PCDHGA7: variants seen among roughly 807,000 people sequenced by gnomAD.
PCDHGA7 encodes the protein protocadherin gamma-A7.
Under a neutral mutation model 58.3 loss-of-function variants are expected in PCDHGA7, and 44 were observed. The ratio of observed to expected loss-of-function variants is 0.75; its 90% CI spans 0.59 to 0.97. The LOEUF is 0.97. Ranked by LOEUF, PCDHGA7 falls within the 50% of genes least tolerant of loss-of-function variation. PCDHGA7 has a pLI of 0.00. For missense variants in PCDHGA7, 1,266 were observed against 1,188.7 expected (o/e 1.06, Z -0.96); for synonymous variants, 516 against 504.2 (o/e 1.02, Z -0.31).
At chr5:141,420,327 A>G in intron 1 of PCDHGA7, 1 of 1,425,478 alleles carries the variant, frequency 7.0e-7, no homozygotes, top group South Asian at 1.5e-5. Context: ...ATGCCAATAT[A>G]TTCCAATATA....
At chr5:141,483,919 G>T (rs912152955) in intron 1 of PCDHGA7, among the ~76,000 whole-genome samples, 2 of 151,008 alleles carry the variant, frequency 1.3e-5, no homozygotes, top group South Asian at 2.1e-4. Flanking sequence ...CACTCAGATT[G>T]CAGGTCGTAG....
chr5:141,432,627 C>T lies in PCDHGA7; in HGVS notation c.2424+47304C>T. ...GGACTCTTCTCGGTGGGTCTGCACA[C>T]GGGCGAGGTGCGCACGGCGCGAGCC... On this transcript the variant is annotated intron_variant, in intron 1 of 3. Coordinates refer to ENST00000518325, the MANE Select transcript of PCDHGA7 (RefSeq NM_018920.4). This position sits in a 1 kb window ranked among gnomAD's most constrained non-coding sequence, Gnocchi z 6.0. 1.2e-6 allele frequency: 2 copies of T among 1,613,770 alleles called. No individual in the cohort carries two copies. Among genetic ancestry groups the T allele is most frequent in the Non-Finnish European group, 1.7e-6 (2 of 1,179,944 alleles).
intron 1 of PCDHGA7, chr5:141,385,540 G>T: frequency 1.5e-6 from 2 of 1,323,840 alleles, no homozygotes; most frequent in Non-Finnish European, 1.9e-6. Context: ...ATGAATATGT[G>T]GACTATCACA....
At chr5:141,481,013 A>G (rs1198627648) in intron 1 of PCDHGA7, among the ~76,000 whole-genome samples, 1 of 152,164 alleles carries the variant, frequency 6.6e-6, no homozygotes, top group Admixed American at 6.5e-5. Context: ...AGCCCAGATC[A>G]CACCACTGCA....
chr5:141,470,577 C>T (rs75062402), intron 1 of PCDHGA7, among the ~76,000 whole-genome samples: 8,307 of 152,270 alleles, frequency 0.055, 479 homozygotes, highest in African/African-American at 0.15. Flanking sequence ...GCAGGATCAA[C>T]TTCATAGGCA....
intron 1 of PCDHGA7, among the ~76,000 whole-genome samples, chr5:141,450,006 C>CTATTTTTTTTTT (rs70988802): frequency 7.5e-6 from 1 of 132,986 alleles, no homozygotes. Context: ...TGCCATGTCT[C>CTATTTTTTTTTT]TTTTTTTTTT....
chr5:141,496,225 G>C (rs112222482), intron 2 of PCDHGA7, among the ~76,000 whole-genome samples: 178 of 152,276 alleles, frequency 1.2e-3, no homozygotes, highest in Non-Finnish European at 1.8e-3. Context: ...TGCTGAGACA[G>C]GAACCCCCTG....
chr5:141,414,855 C>G, intron 1 of PCDHGA7: 1 of 1,614,238 alleles, frequency 6.2e-7, no homozygotes, highest in South Asian at 1.1e-5. Flanking sequence ...TGGACCAGAA[C>G]GACAATGCGC....
rs994324285 is a variant in PCDHGA7 at position 141,455,094 on chromosome 5, G to A, written c.2425-39713G>A. Among the ~76,000 whole-genome samples the A allele has an allele frequency of 3.3e-5, 5 of 152,104 alleles. No individual in the cohort carries two copies. In the Middle Eastern group the frequency reaches 0.014, roughly 414 times the overall value. ...CCCAAAGTGCTGGGATTACAGGCTT[G>A]AGCCACTGCGCCCGGTGGGTCTAAT... On this transcript the variant is annotated intron_variant, in intron 1 of 3. Coordinates refer to ENST00000518325, the MANE Select transcript of PCDHGA7 (RefSeq NM_018920.4).
At position 141,487,571 on chromosome 5, in the gene PCDHGA7, G is replaced by A; in HGVS notation, c.2425-7236G>A. The A allele has an allele frequency of 4.3e-6, 7 of 1,614,178 alleles. No individual in the cohort carries two copies. The highest frequency in any genetic ancestry group is 5.9e-6 in the Non-Finnish European group (7 of 1,180,038). On this transcript the variant is annotated intron_variant, in intron 1 of 3. Coordinates refer to ENST00000518325, the MANE Select transcript of PCDHGA7 (RefSeq NM_018920.4). This position sits in a 1 kb window ranked among gnomAD's most constrained non-coding sequence, Gnocchi z 5.0. ...CAGTGCACCTATGGCAGGGGAGCCTGTTCGCCCAAGCTGCCCACCCTCTGA... is the reference window on the plus strand; with the variant it reads ...CAGTGCACCTATGGCAGGGGAGCCTATTCGCCCAAGCTGCCCACCCTCTGA...
At chr5:141,479,476 G>A (rs1481785254) in intron 1 of PCDHGA7, 1 of 152,250 alleles carries the variant, frequency 6.6e-6, no homozygotes, top group African/African-American at 2.4e-5. Context: ...CCTCTTGGGA[G>A]GGCAGGACCA....
At chr5:141,408,856 G>A (rs750037212) in intron 1 of PCDHGA7, 1 of 1,613,518 alleles carries the variant, frequency 6.2e-7, no homozygotes, top group Non-Finnish European at 8.5e-7. Flanking sequence ...TGGACGGAGG[G>A]GACCCACCAA....
intron 1 of PCDHGA7, chr5:141,441,954 CA>C (rs1240871171): frequency 3.1e-6 from 1 of 319,488 alleles, no homozygotes; most frequent in Non-Finnish European, 6.0e-6. Flanking sequence ...TGCAGGCCAG[CA>C]AGCCCAGGCT....
At chr5:141,418,015 G>T (rs1385008648) in intron 1 of PCDHGA7, 1 of 1,613,964 alleles carries the variant, frequency 6.2e-7, no homozygotes, top group Non-Finnish European at 8.5e-7. Context: ...ACCTCGCTAA[G>T]GATCTAGGGC....
At chr5:141,464,746 T>G (rs1317670068) in intron 1 of PCDHGA7, among the ~76,000 whole-genome samples, 1 of 152,220 alleles carries the variant, frequency 6.6e-6, no homozygotes, top group Non-Finnish European at 1.5e-5. Context: ...TATATCTTTT[T>G]GTTTTTTTAG....
At chr5:141,455,013 C>T (rs1468289988) in intron 1 of PCDHGA7, among the ~76,000 whole-genome samples, 2 of 151,130 alleles carry the variant, frequency 1.3e-5, no homozygotes, top group African/African-American at 4.9e-5. Context: ...GGGGTTTCAC[C>T]GTGTTAGCCA....
chr5:141,419,735 G>A (rs1013306543), intron 1 of PCDHGA7: 4 of 1,613,806 alleles, frequency 2.5e-6, no homozygotes, highest in Non-Finnish European at 3.4e-6. Flanking sequence ...AACAGGCGAG[G>A]TGCGCATGGT....
chr5:141,403,517 G>A, intron 1 of PCDHGA7: 1 of 1,614,030 alleles, frequency 6.2e-7, no homozygotes, highest in Non-Finnish European at 8.5e-7. Context: ...AGACAATGGA[G>A]CCATAAACCC....
chr5:141,431,420 G>A lies in PCDHGA7; in HGVS notation c.2424+46097G>A, dbSNP rs780266425. ...TACGGCCTCCGACGGGGGCGACCCG[G>A]TGCGCACAGGCACCGCGCGCATCCG... On this transcript the variant is annotated intron_variant, in intron 1 of 3. Coordinates refer to ENST00000518325, the MANE Select transcript of PCDHGA7 (RefSeq NM_018920.4). The surrounding 1 kb of genome is among the most constrained non-coding windows in gnomAD (Gnocchi z 4.8). 5 of 1,613,592 alleles carry A rather than the reference G, an allele frequency of 3.1e-6. No homozygotes were observed. The highest frequency in any genetic ancestry group is 3.4e-6 in the Non-Finnish European group (4 of 1,180,050).
Sources: gnomAD v4.1 joint callset for allele counts (sites outside exome capture counted in the v4.1 genomes callset) on GRCh38, gnomAD v4.1.1 for gene constraint, Gnocchi (gnomAD v3.1) non-coding constraint, MANE v1.5 for transcripts, NCBI Gene and HGNC (gene_info 2026-07-23, HGNC 2026-07-21) for gene names.